The following MYO18B variants were observed in gnomAD, a reference collection of about 807,000 sequenced individuals.
MYO18B encodes myosin XVIIIB, also known as unconventional myosin-XVIIIb.
MYO18B carries 204 observed loss-of-function variants against 273.0 expected under a neutral mutation model. That is an observed-to-expected ratio of 0.75 (90% confidence interval 0.67 to 0.84). The LOEUF is 0.84. Ranked by LOEUF, MYO18B falls within the 40% of genes least tolerant of loss-of-function variation. The probability of loss-of-function intolerance (pLI) is 0.00; values close to 1 mark genes in which losing one functional copy is unlikely to be tolerated. For synonymous variants in MYO18B, 1,330 were observed against 1,305.7 expected, an observed-to-expected ratio of 1.02 and a Z score of -0.40; for missense variants, 3,212 against 3,287.6, an observed-to-expected ratio of 0.98 and a Z score of 0.56.
intron 42 of MYO18B, among the ~76,000 whole-genome samples, chr22:26,016,839 G>A (rs6004896): frequency 0.47 from 70,758 of 152,090 alleles, 17,201 homozygotes; most frequent in Middle Eastern, 0.53. Flanking sequence ...AGAGGCCCCA[G>A]CCCAGGCCAG....
chr22:25,959,857 A>AC (rs2092898830), intron 39 of MYO18B, among the ~76,000 whole-genome samples: 1 of 152,134 alleles, frequency 6.6e-6, no homozygotes, highest in Non-Finnish European at 1.5e-5. Flanking sequence ...TCACCAGGTC[A>AC]CCCTGCTGCC....
At chr22:25,767,492 G>A (rs780639158) in intron 3 of MYO18B, among the ~76,000 whole-genome samples, 3 of 152,212 alleles carry the variant, frequency 2.0e-5, no homozygotes, top group Non-Finnish European at 2.9e-5. Flanking sequence ...GGATGGTCAG[G>A]TGGTATCTGC....
At chr22:25,948,443 C>CT (rs1569225056) in intron 36 of MYO18B, among the ~76,000 whole-genome samples, 28 of 114,458 alleles carry the variant, frequency 2.4e-4, no homozygotes, top group African/African-American at 9.3e-4. Context: ...TCCTTCCTTC[C>CT]TTCCTTCCTT....
intron 34 of MYO18B, among the ~76,000 whole-genome samples, chr22:25,932,979 C>A (rs1431066574): frequency 6.6e-6 from 1 of 151,992 alleles, no homozygotes; most frequent in Non-Finnish European, 1.5e-5. Flanking sequence ...TGCCAATTAC[C>A]CCCCAGTGTC....
intron 15 of MYO18B, among the ~76,000 whole-genome samples, chr22:25,830,596 C>A (rs1439652878): frequency 6.6e-6 from 1 of 152,206 alleles, no homozygotes; most frequent in African/African-American, 2.4e-5. Context: ...AATGTCCCAT[C>A]CTCCAGCAGG....
chr22:25,828,946 C>T lies in MYO18B; in HGVS notation c.2957C>T (p.Ser986Phe). ...CTGTTCTACCAGCGGACCTTTGTCT[C>T]CACGCTACAGCGATATCAAGAGGTA... ...QLLFYQRTFVSTLQRYQEEGV... is the reference protein window; with the variant it reads ...QLLFYQRTFVFTLQRYQEEGV... The change falls in exon 15 of 44, where the codon TCC (serine) becomes TTC (phenylalanine). Residue 986 changes from serine (S) to phenylalanine (F), a missense_variant. Ser to Phe is a radical substitution (Grantham distance 155). Coordinates refer to ENST00000335473, the MANE Select transcript of MYO18B (RefSeq NM_032608.7). 6.2e-7 allele frequency: 1 copy of T among 1,613,968 alleles called. No homozygotes were observed.
intron 21 of MYO18B, among the ~76,000 whole-genome samples, chr22:25,855,441 G>A (rs376530531): frequency 3.3e-5 from 5 of 152,006 alleles, no homozygotes; most frequent in South Asian, 2.1e-4. Context: ...CCGCCACCAC[G>A]CCTGGCTAAT....
downstream of MYO18B, among the ~76,000 whole-genome samples, chr22:26,034,707 C>T (rs1238473659): frequency 6.6e-6 from 1 of 152,080 alleles, no homozygotes; most frequent in Non-Finnish European, 1.5e-5. Context: ...GCTTTTATAC[C>T]CTGAGGCCAT....
chr22:25,987,460 A>G (rs986926238), intron 39 of MYO18B, among the ~76,000 whole-genome samples: 1 of 152,128 alleles, frequency 6.6e-6, no homozygotes, highest in Non-Finnish European at 1.5e-5. Flanking sequence ...TGATCTCTGT[A>G]TACACGATAT....
chr22:26,000,426 G>C (rs1295091625), intron 40 of MYO18B, among the ~76,000 whole-genome samples: 1 of 151,910 alleles, frequency 6.6e-6, no homozygotes, highest in Non-Finnish European at 1.5e-5. Flanking sequence ...AGAACTCGAG[G>C]GCTCCATGCA....
intron 1 of MYO18B, among the ~76,000 whole-genome samples, chr22:25,760,152 A>G (rs1421856546): frequency 6.6e-6 from 1 of 152,130 alleles, no homozygotes; most frequent in African/African-American, 2.4e-5. Flanking sequence ...GTGGTGGCTC[A>G]TGCCTGTAAT....
At chr22:25,910,654 A>G (rs1016864572) in intron 32 of MYO18B, among the ~76,000 whole-genome samples, 1 of 152,206 alleles carries the variant, frequency 6.6e-6, no homozygotes, top group Non-Finnish European at 1.5e-5. Context: ...AGCAGTGGCC[A>G]TGGCTGCAGG....
At chr22:25,876,044 G>A (rs949788047) in intron 23 of MYO18B, 145 bp from the exon 24 acceptor site, 17 of 418,502 alleles carry the variant, frequency 4.1e-5, no homozygotes, top group South Asian at 1.5e-4. Flanking sequence ...GTGTGTGTGT[G>A]TATGTGTTTT....
chr22:25,998,594 G>A (rs1407299113), intron 40 of MYO18B, among the ~76,000 whole-genome samples: 2 of 152,148 alleles, frequency 1.3e-5, no homozygotes, highest in African/African-American at 2.4e-5. Context: ...TGGGTCTAAC[G>A]GAAGATTCTG....
chr22:25,970,964 C>T (rs1337182397), intron 39 of MYO18B, among the ~76,000 whole-genome samples: 2 of 152,210 alleles, frequency 1.3e-5, no homozygotes, highest in Non-Finnish European at 2.9e-5. Flanking sequence ...GTTTTTGCTT[C>T]TTTCTGAGAG....
At chr22:25,761,170 G>A in intron 2 of MYO18B, 39 bp downstream of exon 2, 1 of 1,610,330 alleles carries the variant, frequency 6.2e-7, no homozygotes, top group African/African-American at 1.3e-5. Context: ...GCCATCTGCA[G>A]GGACTGACTC....
chr22:25,997,806 C>G (rs1042224271), intron 40 of MYO18B, among the ~76,000 whole-genome samples: 1 of 152,142 alleles, frequency 6.6e-6, no homozygotes, highest in Non-Finnish European at 1.5e-5. Flanking sequence ...CCACGCTACA[C>G]TTCACTCCTA....
intron 34 of MYO18B, among the ~76,000 whole-genome samples, chr22:25,923,013 G>T (rs1338032898): frequency 6.6e-6 from 1 of 152,164 alleles, no homozygotes; most frequent in East Asian, 1.9e-4. Flanking sequence ...TACCTGCCCA[G>T]TCTCCTCTGG....
intron 1 of MYO18B, among the ~76,000 whole-genome samples, chr22:25,755,607 C>T (rs1236175499): frequency 6.6e-6 from 1 of 152,324 alleles, no homozygotes; most frequent in East Asian, 1.9e-4. Flanking sequence ...GAGGTGGGAC[C>T]TAGTGGGAGG....
Sources: gnomAD v4.1 joint callset for allele counts (sites outside exome capture counted in the v4.1 genomes callset) on GRCh38, gnomAD v4.1.1 for gene constraint, MANE v1.5 for transcripts, NCBI Gene and HGNC (gene_info 2026-07-23, HGNC 2026-07-21) for gene names.